PTPRD: variants seen among roughly 807,000 people sequenced by gnomAD.
PTPRD encodes the protein protein tyrosine phosphatase receptor type D.
PTPRD carries 34 observed loss-of-function variants against 214.5 expected under a neutral mutation model. The observed-to-expected ratio is 0.16, with a 90% confidence interval of 0.12 to 0.21. The LOEUF is 0.21. PTPRD is among the 10% of genes least tolerant of loss of function. The pLI is 1.00. For synonymous variants in PTPRD, 1,128 were observed against 845.7 expected (o/e 1.33, Z -5.79); for missense variants, 2,545 against 2,398.7 (o/e 1.06, Z -1.27).
At chr9:9,933,020 C>T (rs2087394580) in intron 5 of PTPRD, among the ~76,000 whole-genome samples, 1 of 151,752 alleles carries the variant, frequency 6.6e-6, no homozygotes, top group African/African-American at 2.4e-5. Context: ...TACAGACAAG[C>T]AAATGTTGAG....
chr9:10,032,239 T>A (rs773317350), intron 4 of PTPRD, among the ~76,000 whole-genome samples: 2 of 152,184 alleles, frequency 1.3e-5, no homozygotes, highest in Admixed American at 6.5e-5. Context: ...CCATTTAATT[T>A]TCCCCTTTTC....
At chr9:9,513,102 C>A (rs1253991643) in intron 8 of PTPRD, among the ~76,000 whole-genome samples, 1 of 151,826 alleles carries the variant, frequency 6.6e-6, no homozygotes. Flanking sequence ...TCTTCTAACC[C>A]ACTAAAATAA....
At chr9:9,315,760 G>T (rs370646962) in intron 9 of PTPRD, among the ~76,000 whole-genome samples, 1 of 147,606 alleles carries the variant, frequency 6.8e-6, no homozygotes, top group African/African-American at 2.5e-5. Context: ...CTAGAAACAA[G>T]TTGAATCTGG....
chr9:9,208,019 G>GTTTTTTTTTTTTTTTTTT (rs1569562243), intron 9 of PTPRD, among the ~76,000 whole-genome samples: 4 of 26,036 alleles, frequency 1.5e-4, no homozygotes, highest in Non-Finnish European at 2.7e-4. Context: ...ATATATATCT[G>GTTTTTTTTTTTTTTTTTT]CTTTTTTTTT....
intron 9 of PTPRD, among the ~76,000 whole-genome samples, chr9:9,270,384 T>A (rs1030608402): frequency 6.6e-6 from 1 of 151,330 alleles, no homozygotes; most frequent in African/African-American, 2.4e-5. Flanking sequence ...ATGTGGCATT[T>A]ATGCTAAAAA....
intron 11 of PTPRD, among the ~76,000 whole-genome samples, chr9:8,934,732 C>T (rs57962345): frequency 0.045 from 6,821 of 150,626 alleles, 486 homozygotes; most frequent in African/African-American, 0.15. Context: ...TCCTGCATAA[C>T]GGAAACTTTT....
chr9:9,648,385 C>T lies in PTPRD; in HGVS notation c.-286-73604G>A, dbSNP rs1355753669. ...TGATACAGTGTTCTTCCTACCAAAA[C>T]AAGGTTTATTTTTAAAGTATGGTCA... is the stretch of plus-strand genomic sequence containing the variant. On this transcript the variant is annotated intron_variant, in intron 7 of 45. Coordinates refer to ENST00000381196, the MANE Select transcript of PTPRD (RefSeq NM_002839.4). Among the ~76,000 whole-genome samples, 3 of 152,098 alleles carry T rather than the reference C, an allele frequency of 2.0e-5. No homozygotes were observed. In the South Asian group the frequency reaches 6.2e-4, roughly 31 times the overall value.
chr9:9,191,252 C>A (rs761460078), intron 9 of PTPRD, among the ~76,000 whole-genome samples: 1 of 152,060 alleles, frequency 6.6e-6, no homozygotes, highest in African/African-American at 2.4e-5. Context: ...CTTTCGCTTA[C>A]GACAGAGACT....
rs868773528 is a variant in PTPRD, at chr9:9,716,143, T to G, written c.-287+18390A>C. On this transcript the variant is annotated intron_variant, in intron 7 of 45. Coordinates refer to ENST00000381196, the MANE Select transcript of PTPRD (RefSeq NM_002839.4). ...CTTGCGATAGTTTACTGAGAATGATTATTTCCAATTTCCTCCAAGTCCCTA... is the reference window on the plus strand; with the variant it reads ...CTTGCGATAGTTTACTGAGAATGATGATTTCCAATTTCCTCCAAGTCCCTA... 1.4e-3 allele frequency among the ~76,000 whole-genome samples: 214 copies of G among 152,250 alleles called. 3 individuals are homozygous for G. In the South Asian group the frequency reaches 0.019, roughly 14 times the overall value.
At chr9:9,164,260 G>C (rs1289483881) in intron 10 of PTPRD, among the ~76,000 whole-genome samples, 1 of 151,950 alleles carries the variant, frequency 6.6e-6, no homozygotes, top group Non-Finnish European at 1.5e-5. Flanking sequence ...GTATTCTTTG[G>C]CTTGTGGTCC....
At chr9:9,475,676 C>T (rs1420084649) in intron 8 of PTPRD, among the ~76,000 whole-genome samples, 1 of 152,176 alleles carries the variant, frequency 6.6e-6, no homozygotes, top group Non-Finnish European at 1.5e-5. Context: ...ATGTCCCTGA[C>T]TAGATAGCTT....
intron 2 of PTPRD, among the ~76,000 whole-genome samples, chr9:10,580,096 T>C (rs1379611070): frequency 6.6e-6 from 1 of 152,194 alleles, no homozygotes; most frequent in Non-Finnish European, 1.5e-5. Flanking sequence ...ATTATAACAA[T>C]GAAATACTTC....
intron 3 of PTPRD, among the ~76,000 whole-genome samples, chr9:10,218,762 T>C (rs1057208278): frequency 7.2e-5 from 11 of 151,834 alleles, no homozygotes; most frequent in African/African-American, 2.7e-4. Context: ...GCCTTGGTCT[T>C]GGTGATTTAT....
chr9:10,152,207 G>A (rs188708688), intron 3 of PTPRD, among the ~76,000 whole-genome samples: 1 of 152,250 alleles, frequency 6.6e-6, no homozygotes, highest in East Asian at 1.9e-4. Flanking sequence ...TGTTTTAAAA[G>A]TTTTAGTCGT....
chr9:10,396,651 G>A (rs538519316), intron 2 of PTPRD, among the ~76,000 whole-genome samples: 42 of 152,050 alleles, frequency 2.8e-4, no homozygotes, highest in South Asian at 1.9e-3. Context: ...ATGGAAATAC[G>A]AGTAAAGCAC....
chr9:10,453,027 GT>G (rs1566139545), intron 2 of PTPRD, among the ~76,000 whole-genome samples: 4 of 151,462 alleles, frequency 2.6e-5, no homozygotes. Context: ...AATTCCATTT[GT>G]TTGTATGTGA....
intron 7 of PTPRD, among the ~76,000 whole-genome samples, chr9:9,632,239 C>T (rs1033536026): frequency 3.9e-5 from 6 of 152,136 alleles, no homozygotes; most frequent in African/African-American, 2.4e-5. Flanking sequence ...AGTATGAATA[C>T]AGTCCATGTT....
rs768625058 is a variant in PTPRD, at chr9:8,484,351, C to T, written c.3181G>A (p.Glu1061Lys). 21 of 1,613,810 alleles carry T rather than the reference C, an allele frequency of 1.3e-5. No individual in the cohort carries two copies. In the East Asian group the frequency reaches 3.8e-4, roughly 29 times the overall value. The change falls in exon 30 of 46, where the codon GAA becomes AAA. Residue 1061 changes from glutamate to lysine, a missense_variant. Physicochemically the swap from Glu to Lys is moderately conservative, Grantham distance 56. Coordinates refer to ENST00000381196, the MANE Select transcript of PTPRD (RefSeq NM_002839.4). ...TGTGTGGCTCGGCCATCCACTTCTT[C>T]TACCATTTTCCCATCATCATAAAGA... ...KILYDDGKMVEEVDGRATQKL... is the reference protein window; with the variant it reads ...KILYDDGKMVKEVDGRATQKL...
chr9:9,281,628 G>A (rs1947731273), intron 9 of PTPRD, among the ~76,000 whole-genome samples: 1 of 151,264 alleles, frequency 6.6e-6, no homozygotes, highest in Non-Finnish European at 1.5e-5. Context: ...GGAACAGCAG[G>A]AATTCTCATT....
Sources: gnomAD v4.1 joint callset for allele counts (sites outside exome capture counted in the v4.1 genomes callset) on GRCh38, gnomAD v4.1.1 for gene constraint, MANE v1.5 for transcripts, NCBI Gene and HGNC (gene_info 2026-07-23, HGNC 2026-07-21) for gene names.